Variants in HEATR1 observed in about 807,000 individuals in gnomAD.
HEATR1 encodes the protein HEAT repeat-containing protein 1.
A neutral mutation model predicts 248.2 loss-of-function variants in HEATR1; 77 were observed. That is an observed-to-expected ratio of 0.31 (90% CI 0.26 to 0.37). The LOEUF is 0.37. Ranked by LOEUF, HEATR1 falls within the 10% of genes least tolerant of loss-of-function variation. HEATR1 has a pLI of 1.00. For synonymous variants in HEATR1, 897 were observed against 923.1 expected, an observed-to-expected ratio of 0.97 and a Z score of 0.51; for missense variants, 2,420 against 2,504.9, an observed-to-expected ratio of 0.97 and a Z score of 0.72.
At chr1:236,574,485 G>A (rs890737406) in intron 23 of HEATR1, 152 bp from the exon 24 acceptor site, 14 of 1,205,900 alleles carry the variant, frequency 1.2e-5, no homozygotes, top group Middle Eastern at 2.9e-4. Context: ...CATGTACAAC[G>A]TTCAGTTTTC....
intron 24 of HEATR1, among the ~76,000 whole-genome samples, chr1:236,573,791 T>C (rs571083068): frequency 1.6e-4 from 24 of 152,122 alleles, no homozygotes; most frequent in Non-Finnish European, 2.8e-4. Flanking sequence ...GGTTTCAATA[T>C]ACGTATAAAA....
intron 17 of HEATR1, among the ~76,000 whole-genome samples, chr1:236,583,659 G>C (rs1450181622): frequency 6.6e-6 from 1 of 151,838 alleles, no homozygotes; most frequent in Non-Finnish European, 1.5e-5. Context: ...GCTAATTTTT[G>C]TATCTTTAGT....
In HEATR1 at chr1:236,582,777, C is replaced by T. The variant is rs370263527; in HGVS notation, c.2521G>A (p.Asp841Asn). 31 of 1,614,034 alleles carry T rather than the reference C, an allele frequency of 1.9e-5. No homozygotes were observed. Among genetic ancestry groups the T allele is most frequent in the Middle Eastern group, 3.3e-4 (2 of 6,084 alleles). Residue 841 changes from aspartate to asparagine, a missense_variant, in exon 19 of 45, where the codon GAT (aspartate) becomes AAT (asparagine). Asp to Asn is a conservative substitution (Grantham distance 23, BLOSUM62 1). Transcript: ENST00000366582. ...GLFEMMLNGA[D>N]AVHFRVLMKL... The stretch of plus-strand genomic sequence containing the variant: ...ATCAGAACTCTGAAATGAACAGCAT[C>T]GGCACCATTGAGCATCATCTCAAAC...
chr1:236,603,431 C>T, intron 2 of HEATR1, 55 bp from the exon 3 acceptor site: 1 of 1,416,634 alleles, frequency 7.1e-7, no homozygotes, highest in South Asian at 1.2e-5. Context: ...CAAATTCATC[C>T]CACCCCTCTT....
chr1:236,595,804 G>A lies in HEATR1; in HGVS notation c.956+29C>T, dbSNP rs1042377649. The A allele has an allele frequency of 2.5e-6, 4 of 1,571,432 alleles. No homozygotes were observed. In the South Asian group the frequency reaches 4.5e-5, roughly 18 times the overall value. ...AAATAATTTTATTCACCTCTGACTA[G>A]CACCATTTCTCAATTCAATTGTACA... On this transcript the variant is annotated intron_variant, in intron 7 of 44. Coordinates refer to ENST00000366582, the MANE Select transcript of HEATR1 (RefSeq NM_018072.6).
intron 29 of HEATR1, among the ~76,000 whole-genome samples, chr1:236,567,248 T>C (rs1195478103): frequency 6.6e-6 from 1 of 152,108 alleles, no homozygotes; most frequent in East Asian, 1.9e-4. Context: ...AAAGTGCTGG[T>C]GTTACAGGTG....
At chr1:236,559,164 A>G (rs764730766) in intron 34 of HEATR1, 29 bp from the exon 35 acceptor site, 25 of 1,521,016 alleles carry the variant, frequency 1.6e-5, no homozygotes, top group Non-Finnish European at 2.1e-5. Context: ...TTTAACATGA[A>G]AAGAAAAACA....
intron 29 of HEATR1, among the ~76,000 whole-genome samples, chr1:236,567,183 G>A (rs1306443848): frequency 2.6e-5 from 4 of 152,054 alleles, no homozygotes; most frequent in Non-Finnish European, 5.9e-5. Flanking sequence ...GTTTTGCTAT[G>A]TTGACCGGGC....
intron 8 of HEATR1, among the ~76,000 whole-genome samples, chr1:236,594,379 A>G (rs1228747749): frequency 2.0e-5 from 3 of 152,202 alleles, no homozygotes; most frequent in Non-Finnish European, 2.9e-5. Flanking sequence ...TAACAAAACA[A>G]AAGTCCAAAA....
intron 33 of HEATR1, 53 bp downstream of exon 33, chr1:236,561,172 A>T (rs777870350): frequency 4.3e-4 from 544 of 1,261,426 alleles, no homozygotes; most frequent in Non-Finnish European, 5.9e-4. Flanking sequence ...CAGGTTTTCT[A>T]TAAGTTTGAA....
chr1:236,597,921 C>A lies in HEATR1; in HGVS notation c.560G>T (p.Gly187Val). ...TLITHCYKDL[G>V]FMDFICSLVT... ...CAAACTGCAAATGAAATCCATGAAT[C>A]CAAGATCTTTGTAGCAGTGGGTAAT... is the stretch of plus-strand genomic sequence containing the variant. Residue 187 changes from glycine to valine, a missense_variant, in exon 5 of 45, where the codon GGA becomes GTA. Physicochemically the swap from Gly to Val is moderately radical, Grantham distance 109. Transcript: ENST00000366582. 1.2e-6 allele frequency: 2 copies of A among 1,613,854 alleles called. No homozygotes were observed. The highest frequency in any genetic ancestry group is 1.7e-6 in the Non-Finnish European group (2 of 1,179,880).
intron 3 of HEATR1, among the ~76,000 whole-genome samples, chr1:236,601,964 T>C (rs1664337130): frequency 1.3e-5 from 1 of 75,250 alleles, no homozygotes; most frequent in South Asian, 3.2e-4. Flanking sequence ...ACCCCATCTT[T>C]ACTAAAAAAA....
intron 22 of HEATR1, among the ~76,000 whole-genome samples, chr1:236,575,116 T>TA (rs1407167584): frequency 2.0e-5 from 3 of 152,204 alleles, no homozygotes; most frequent in Non-Finnish European, 1.5e-5. Context: ...TCAAAAGTGC[T>TA]AAACCCTTCA....
chr1:236,551,074 T>TG lies in HEATR1; in HGVS notation c.6347-85dup, dbSNP rs1394298149. 2.8e-6 allele frequency: 3 copies of TG among 1,062,120 alleles called. No individual in the cohort carries two copies. The Admixed American group carries it at 7.7e-5, about 27-fold the overall frequency. The allele number at this position is 1,062,120 out of a possible 1,614,324, so 65.8% of individuals were successfully genotyped here. On this transcript the variant is annotated intron_variant, in intron 44 of 44. Coordinates refer to ENST00000366582, the MANE Select transcript of HEATR1 (RefSeq NM_018072.6). The stretch of plus-strand genomic sequence containing the variant: ...CTCATTAGTTTAATTCTTAATGCCT[T>TG]GCACTTTCCGGCAATCATTCAATCA...
At chr1:236,577,238 G>A (rs2564741) in intron 20 of HEATR1, among the ~76,000 whole-genome samples, 71,026 of 151,570 alleles carry the variant, frequency 0.47, 20,557 homozygotes, top group Non-Finnish European at 0.63. Context: ...TGCAACCTCC[G>A]CCTCCTGGGT....
In HEATR1 at chr1:236,555,825, A is replaced by T. The variant is rs776896499; in HGVS notation, c.5629T>A (p.Phe1877Ile). Residue 1877 changes from phenylalanine (F) to isoleucine (I), a missense_variant, in exon 39 of 45, where the codon TTC becomes ATC. By Grantham distance (21) the Phe-to-Ile change is conservative. Transcript: ENST00000366582. ...LTAFFLEALD[F>I]RAQHSENDLE... ...CTTACCTCAGAGTGCTGGGCTCGGA[A>T]GTCCAGGGCTTCCAGGAAAAAGGCG... 3.7e-6 allele frequency: 6 copies of T among 1,614,064 alleles called. No homozygotes were observed. In the South Asian group the frequency reaches 4.4e-5, roughly 12 times the overall value.
chr1:236,595,946 T>C lies in HEATR1; in HGVS notation c.843A>G (p.Ser281=), dbSNP rs1664166883. 1.9e-6 allele frequency: 3 copies of C among 1,613,836 alleles called. No homozygotes were observed. Among genetic ancestry groups the C allele is most frequent in the Non-Finnish European group, 2.5e-6 (3 of 1,179,720 alleles). Residue 281 remains serine, a synonymous_variant, in exon 7 of 45, where the codon TCA becomes TCG. Transcript: ENST00000366582. The part of the protein sequence containing the change: ...KVTMENTFVN[S]LASQIIKTLT... ...ATGTTTTGATGATCTGTGATGCCAA[T>C]GAATTCACAAAGGTATTTTCCATGG...
chr1:236,595,414 C>T (rs1572053303), intron 8 of HEATR1, 126 bp downstream of exon 8: 2 of 734,862 alleles, frequency 2.7e-6, no homozygotes, highest in East Asian at 2.9e-5. Flanking sequence ...AAGAAATAGA[C>T]AAGTTACACA....
At chr1:236,558,642 G>A in intron 35 of HEATR1, 113 bp from the exon 36 acceptor site, 2 of 1,023,832 alleles carry the variant, frequency 2.0e-6, no homozygotes, top group East Asian at 2.6e-5. Context: ...CGGGGGTCCT[G>A]AGTCACACAG....
Sources: allele counts gnomAD v4.1 joint callset (sites outside exome capture counted in the v4.1 genomes callset), GRCh38; gene constraint gnomAD v4.1.1; transcripts MANE v1.5; gene names NCBI Gene and HGNC (gene_info 2026-07-23, HGNC 2026-07-21).